GRIK2: variants seen among roughly 807,000 people sequenced by gnomAD.
The protein encoded by GRIK2 is glutamate ionotropic receptor kainate type subunit 2, also known as glutamate receptor ionotropic, kainate 2.
In GRIK2, 32 loss-of-function variants were observed where a neutral mutation model predicts 100.3. The ratio of observed to expected loss-of-function variants is 0.32; its 90% CI spans 0.24 to 0.43. GRIK2 has a LOEUF of 0.43. Ranked by LOEUF, GRIK2 falls within the 20% of genes least tolerant of loss-of-function variation. The pLI is 1.00. For missense variants in GRIK2, 843 were observed against 1,114.9 expected (o/e 0.76, Z 3.47); for synonymous variants, 417 against 389.4 (o/e 1.07, Z -0.83).
chr6:101,666,895 T>G (rs1453626997), intron 4 of GRIK2, among the ~76,000 whole-genome samples: 1 of 152,150 alleles, frequency 6.6e-6, no homozygotes, highest in Non-Finnish European at 1.5e-5. Context: ...GAAAAGCAGT[T>G]AACAGAACCA....
At chr6:101,919,624 G>A (rs1281745875) in intron 12 of GRIK2, among the ~76,000 whole-genome samples, 1 of 151,808 alleles carries the variant, frequency 6.6e-6, no homozygotes, top group African/African-American at 2.4e-5. Context: ...CAGTATAGAA[G>A]TTAAAGTCAT....
chr6:102,039,824 A>AAATG (rs1191442440), intron 15 of GRIK2, among the ~76,000 whole-genome samples: 4 of 151,572 alleles, frequency 2.6e-5, no homozygotes, highest in Non-Finnish European at 5.9e-5. Context: ...AAATATTATC[A>AAATG]AATGACTGAA....
chr6:101,794,985 C>T (rs571589509), intron 7 of GRIK2, among the ~76,000 whole-genome samples: 1 of 151,808 alleles, frequency 6.6e-6, no homozygotes, highest in Non-Finnish European at 1.5e-5. Flanking sequence ...CCTGCCTTAG[C>T]CTCACAAGTA....
intron 2 of GRIK2, among the ~76,000 whole-genome samples, chr6:101,553,360 G>C (rs1776600589): frequency 6.6e-6 from 1 of 152,040 alleles, no homozygotes; most frequent in Non-Finnish European, 1.5e-5. Flanking sequence ...TGAGTTCCTG[G>C]AACTGTCATA....
intron 7 of GRIK2, among the ~76,000 whole-genome samples, chr6:101,792,062 C>A (rs372517583): frequency 7.7e-4 from 115 of 150,122 alleles, no homozygotes; most frequent in African/African-American, 2.5e-3. Context: ...TTTGCTTGGT[C>A]GATCTTCCTC....
intron 4 of GRIK2, among the ~76,000 whole-genome samples, chr6:101,657,572 C>T (rs1357114832): frequency 6.6e-6 from 1 of 152,100 alleles, no homozygotes; most frequent in African/African-American, 2.4e-5. Flanking sequence ...CTCAAGAAAG[C>T]AATGGCCAAT....
chr6:101,555,255 C>G (rs1040374523), intron 2 of GRIK2, among the ~76,000 whole-genome samples: 5 of 152,140 alleles, frequency 3.3e-5, no homozygotes, highest in Non-Finnish European at 7.4e-5. Flanking sequence ...CACACAGTAA[C>G]TGGGCTATGC....
chr6:101,705,117 A>G (rs1405393503), intron 7 of GRIK2, among the ~76,000 whole-genome samples: 1 of 150,216 alleles, frequency 6.7e-6, no homozygotes, highest in Non-Finnish European at 1.5e-5. Context: ...ACCATGTCAT[A>G]AATTTTTAAG....
chr6:101,606,747 A>G (rs1351996029), intron 2 of GRIK2, among the ~76,000 whole-genome samples: 38 of 151,942 alleles, frequency 2.5e-4, no homozygotes, highest in Non-Finnish European at 1.9e-4. Context: ...AATGCAAACA[A>G]AAGGTACCAG....
intron 7 of GRIK2, among the ~76,000 whole-genome samples, chr6:101,716,606 G>C (rs148111897): frequency 0.018 from 1,910 of 105,336 alleles, 62 homozygotes; most frequent in African/African-American, 0.067. Context: ...GTCCTGGGGT[G>C]GGGGGAGGGG....
chr6:101,707,594 G>GTGTATA (rs1491149804), intron 7 of GRIK2, among the ~76,000 whole-genome samples: 1 of 106,134 alleles, frequency 9.4e-6, no homozygotes, highest in Non-Finnish European at 1.9e-5. Context: ...GTGTGTGTGT[G>GTGTATA]TATATATGTG....
chr6:101,492,300 A>G (rs1232329635), intron 2 of GRIK2, among the ~76,000 whole-genome samples: 3 of 151,918 alleles, frequency 2.0e-5, no homozygotes, highest in Non-Finnish European at 2.9e-5. Context: ...ATCTGTAATC[A>G]TCAATTGGGA....
intron 10 of GRIK2, among the ~76,000 whole-genome samples, chr6:101,845,435 G>A (rs534843057): frequency 1.3e-5 from 2 of 152,228 alleles, no homozygotes; most frequent in Non-Finnish European, 2.9e-5. Flanking sequence ...GTGTCTGCCT[G>A]CTTTCACTTA....
At chr6:101,528,642 T>A (rs1775269253) in intron 2 of GRIK2, among the ~76,000 whole-genome samples, 1 of 152,158 alleles carries the variant, frequency 6.6e-6, no homozygotes, top group African/African-American at 2.4e-5. Context: ...CAGGCTCACT[T>A]TCGGGCAAGC....
intron 14 of GRIK2, among the ~76,000 whole-genome samples, chr6:101,989,986 A>G (rs1794268669): frequency 6.6e-6 from 1 of 151,664 alleles, no homozygotes; most frequent in Non-Finnish European, 1.5e-5. Context: ...ATTAGAGGAA[A>G]TGTGAGATTG....
rs541294215 is a variant in GRIK2 at position 101,429,466 on chromosome 6, G to A, written c.115+30074G>A. ...TCAGAATGATAGCATAAGGGCTTCAGAGCTCTGATCACAGACCAAGAATTA... is the reference window on the plus strand; with the variant it reads ...TCAGAATGATAGCATAAGGGCTTCAAAGCTCTGATCACAGACCAAGAATTA... On this transcript the variant is annotated intron_variant, in intron 2 of 16. Coordinates refer to ENST00000369134, the MANE Select transcript of GRIK2 (RefSeq NM_021956.5). 3.9e-5 allele frequency among the ~76,000 whole-genome samples: 6 copies of A among 152,142 alleles called. No homozygotes were observed. The East Asian group carries it at 1.2e-3, about 29-fold the overall frequency.
intron 14 of GRIK2, among the ~76,000 whole-genome samples, chr6:101,952,627 G>A (rs1791670041): frequency 6.6e-6 from 1 of 150,780 alleles, no homozygotes; most frequent in Admixed American, 6.6e-5. Flanking sequence ...TTTTGAGGCG[G>A]AGTCTCGCTC....
intron 2 of GRIK2, among the ~76,000 whole-genome samples, chr6:101,451,349 C>T (rs1028412401): frequency 9.9e-5 from 15 of 151,698 alleles, no homozygotes; most frequent in Non-Finnish European, 5.9e-5. Flanking sequence ...TAGCTCTTAA[C>T]ATTCTATTAT....
intron 11 of GRIK2, among the ~76,000 whole-genome samples, chr6:101,881,503 T>C (rs1196222568): frequency 6.6e-6 from 1 of 151,948 alleles, no homozygotes; most frequent in African/African-American, 2.4e-5. Context: ...ATTTGGAGTA[T>C]TGATATGCAA....
Sources: gnomAD v4.1 joint callset for allele counts (sites outside exome capture counted in the v4.1 genomes callset) on GRCh38, gnomAD v4.1.1 for gene constraint, MANE v1.5 for transcripts, NCBI Gene and HGNC (gene_info 2026-07-23, HGNC 2026-07-21) for gene names.